Variants in ITGB5 observed in about 807,000 individuals in gnomAD.
The protein encoded by ITGB5 is integrin subunit beta 5.
A neutral mutation model predicts 84.8 loss-of-function variants in ITGB5; 38 were observed. That is an observed-to-expected ratio of 0.45 (90% CI 0.35 to 0.59). The LOEUF is 0.59. Ranked by LOEUF, ITGB5 falls within the 20% of genes least tolerant of loss-of-function variation. ITGB5 has a pLI of 0.01. For synonymous variants in ITGB5, 393 were observed against 414.4 expected (o/e 0.95, Z 0.63); for missense variants, 905 against 1,034.5 (o/e 0.87, Z 1.72).
intron 12 of ITGB5, among the ~76,000 whole-genome samples, chr3:124,766,947 T>G (rs765753250): frequency 1.6e-4 from 24 of 152,200 alleles, no homozygotes; most frequent in Non-Finnish European, 3.2e-4. Context: ...GCCCTGAACG[T>G]GGCCCGGCCT....
At chr3:124,866,071 CT>C (rs1445879150) in intron 2 of ITGB5, among the ~76,000 whole-genome samples, 1 of 152,158 alleles carries the variant, frequency 6.6e-6, no homozygotes. Context: ...TCTCGGCTCA[CT>C]GCAACTTCTG....
intron 2 of ITGB5, among the ~76,000 whole-genome samples, chr3:124,870,150 A>AT (rs1933926905): frequency 1.3e-5 from 2 of 152,358 alleles, no homozygotes; most frequent in African/African-American, 4.8e-5. Context: ...GTACTCTTAT[A>AT]TCAAATACAA....
At chr3:124,829,138 ATAGAAT>A (rs1317235898) in intron 5 of ITGB5, among the ~76,000 whole-genome samples, 3 of 152,208 alleles carry the variant, frequency 2.0e-5, no homozygotes, top group Admixed American at 6.5e-5. Context: ...CTTTATATTA[ATAGAAT>A]TATGGGTGAT....
At chr3:124,788,402 G>A (rs2064112810) in intron 10 of ITGB5, among the ~76,000 whole-genome samples, 1 of 152,152 alleles carries the variant, frequency 6.6e-6, no homozygotes, top group African/African-American at 2.4e-5. Flanking sequence ...CTCTGTGCTG[G>A]TTACTGCCAT....
chr3:124,769,893 A>G (rs2063817902), intron 11 of ITGB5: 1 of 152,256 alleles, frequency 6.6e-6, no homozygotes, highest in Non-Finnish European at 1.5e-5. Context: ...GAGCAGCCAA[A>G]AAGTGACACC....
intron 5 of ITGB5, chr3:124,832,920 G>A (rs2064879688): frequency 6.6e-6 from 1 of 152,228 alleles, no homozygotes; most frequent in Admixed American, 6.5e-5. Context: ...CTGAGCTTGG[G>A]GACAGAGGAG....
chr3:124,889,708 G>A (rs537184221), upstream of ITGB5, among the ~76,000 whole-genome samples: 1 of 152,314 alleles, frequency 6.6e-6, no homozygotes, highest in African/African-American at 2.4e-5. Context: ...ATGCCAGTTT[G>A]AGAGGCAGTG....
chr3:124,818,916 G>A (rs558319811), intron 7 of ITGB5, among the ~76,000 whole-genome samples: 4 of 152,160 alleles, frequency 2.6e-5, no homozygotes, highest in South Asian at 2.1e-4. Context: ...TGTTCTGGGG[G>A]TGGAGGGTGG....
intron 9 of ITGB5, among the ~76,000 whole-genome samples, chr3:124,801,305 T>C (rs1579218777): frequency 6.6e-6 from 1 of 152,230 alleles, no homozygotes; most frequent in Non-Finnish European, 1.5e-5. Context: ...GGAGGAAAAT[T>C]AGGGAAACAA....
At chr3:124,892,456 G>T (rs1314015183), upstream of ITGB5, among the ~76,000 whole-genome samples, 1 of 151,040 alleles carries the variant, frequency 6.6e-6, no homozygotes, top group Non-Finnish European at 1.5e-5. Flanking sequence ...AGGAAGGGGG[G>T]AGGGAGGTAG....
intron 1 of ITGB5, among the ~76,000 whole-genome samples, chr3:124,882,944 C>A (rs1223062794): frequency 6.6e-6 from 1 of 152,166 alleles, no homozygotes; most frequent in African/African-American, 2.4e-5. Context: ...AAGCAAGAAG[C>A]CTCAGAAACA....
At chr3:124,784,071 T>C (rs906611340) in intron 10 of ITGB5, among the ~76,000 whole-genome samples, 1 of 152,210 alleles carries the variant, frequency 6.6e-6, no homozygotes, top group African/African-American at 2.4e-5. Flanking sequence ...AATAAGGTGA[T>C]ATTGCTTTAA....
intron 9 of ITGB5, among the ~76,000 whole-genome samples, chr3:124,804,417 G>T (rs2064362577): frequency 6.6e-6 from 1 of 152,116 alleles, no homozygotes; most frequent in Non-Finnish European, 1.5e-5. Context: ...GCATGGTGGT[G>T]CAGGTCTGTG....
chr3:124,898,075 G>A (rs1208929133), intron 1 of ITGB5, among the ~76,000 whole-genome samples: 1 of 152,092 alleles, frequency 6.6e-6, no homozygotes, highest in African/African-American at 2.4e-5. Context: ...AAACAAAACA[G>A]GAAGGACCTG....
intron 10 of ITGB5, among the ~76,000 whole-genome samples, chr3:124,783,426 T>TG (rs2064035110): frequency 1.3e-5 from 2 of 152,294 alleles, no homozygotes; most frequent in Admixed American, 1.3e-4. Context: ...GTTTGTTTGC[T>TG]GGTCTGCCTC....
chr3:124,777,625 G>A (rs114541419), intron 10 of ITGB5, among the ~76,000 whole-genome samples: 213 of 152,236 alleles, frequency 1.4e-3, no homozygotes, highest in Non-Finnish European at 2.8e-3. Flanking sequence ...CTCCTCATAG[G>A]AGTCTTCTCC....
chr3:124,856,170 G>A (rs1049032021), intron 3 of ITGB5, among the ~76,000 whole-genome samples: 5 of 152,248 alleles, frequency 3.3e-5, no homozygotes, highest in African/African-American at 1.2e-4. Flanking sequence ...ACAGGCATAA[G>A]CCACCACACC....
intron 1 of ITGB5, among the ~76,000 whole-genome samples, chr3:124,899,540 G>C (rs1026780750): frequency 2.6e-5 from 4 of 152,018 alleles, no homozygotes; most frequent in Admixed American, 6.6e-5. Context: ...CAAACAAAGA[G>C]GAAGTCATAT....
At chr3:124,821,286 A>AGG in intron 6 of ITGB5, 27 bp downstream of exon 6, 1 of 1,597,892 alleles carries the variant, frequency 6.3e-7, no homozygotes, top group South Asian at 1.1e-5. Flanking sequence ...GGCAACAGGG[A>AGG]GGGGGGATCT....
Sources: allele counts gnomAD v4.1 joint callset (sites outside exome capture counted in the v4.1 genomes callset), GRCh38; gene constraint gnomAD v4.1.1; transcripts MANE v1.5; gene names NCBI Gene and HGNC (gene_info 2026-07-23, HGNC 2026-07-21).